The following GALNT15 variants were observed in gnomAD, a reference collection of about 807,000 sequenced individuals.
GALNT15 encodes the protein polypeptide N-acetylgalactosaminyltransferase 15.
In GALNT15, 67 loss-of-function variants were observed where a neutral mutation model predicts 66.8. The observed-to-expected ratio is 1.00, with a 90% CI of 0.82 to 1.23. The LOEUF (loss-of-function observed/expected upper bound fraction) is 1.23. Among genes scored for constraint, GALNT15 ranks in the 50% most tolerant of loss-of-function variants. The pLI is 0.00. For missense variants in GALNT15, 827 were observed against 804.3 expected (o/e 1.03, Z -0.34); for synonymous variants, 313 against 311.5 (o/e 1.00, Z -0.05).
intron 8 of GALNT15, among the ~76,000 whole-genome samples, chr3:16,221,184 A>T (rs938917937): frequency 2.6e-4 from 4 of 15,590 alleles, no homozygotes; most frequent in African/African-American, 1.0e-3. Context: ...AAGAAGAATA[A>T]AAAAAAAAAT....
At position 16,176,569 on chromosome 3, in the gene GALNT15, G is replaced by C. The variant is rs925354580; in HGVS notation, c.539+879G>C. 2.0e-5 allele frequency among the ~76,000 whole-genome samples: 3 copies of C among 152,186 alleles called. No homozygotes were observed. The highest frequency in any genetic ancestry group is 7.2e-5 in the African/African-American group (3 of 41,442). ...AAGTGTAGGTGATGGGCAGAGCTGT[G>C]CCCAGGGAGATGCTGGCCCATCCTC... On this transcript the variant is annotated intron_variant, in intron 1 of 9. Coordinates refer to ENST00000339732, the MANE Select transcript of GALNT15 (RefSeq NM_054110.5). The surrounding 1 kb of genome is among the most constrained non-coding windows in gnomAD (Gnocchi z 5.6).
At position 16,203,543 on chromosome 3, in the gene GALNT15, T is replaced by TCACACACACACA. The variant is rs1164976010; in HGVS notation, c.911+2755_911+2766dup. 1.1e-3 allele frequency among the ~76,000 whole-genome samples: 70 copies of TCACACACACACA among 61,154 alleles called. 1 individual carries two copies. Among genetic ancestry groups the TCACACACACACA allele is most frequent in the Middle Eastern group, 9.3e-3 (1 of 108 alleles). 40.1% of individuals were successfully genotyped at this position (61,154 alleles called of 152,430 possible). ...CATTCTCTCTCTCTCTCTCTCTCTC[T>TCACACACACACA]CACACACACACACACACACACACAC... is the stretch of plus-strand genomic sequence containing the variant. On this transcript the variant is annotated intron_variant, in intron 3 of 9. Transcript: ENST00000339732. The surrounding 1 kb of genome is among the most constrained non-coding windows in gnomAD (Gnocchi z 6.2).
the GALNT15 span, among the ~76,000 whole-genome samples, chr3:16,238,277 AAT>A: frequency 6.6e-6 from 1 of 152,182 alleles, no homozygotes; most frequent in Admixed American, 6.5e-5. This position sits in a 1 kb window ranked among gnomAD's most constrained non-coding sequence, Gnocchi z 4.8. Flanking sequence ...ATTAGACAGT[AAT>A]ATCTCTGTGA....
At position 16,225,399 on chromosome 3, in the gene GALNT15, A is replaced by AT. The variant is rs999774165; in HGVS notation, c.1774-1948dup. Among the ~76,000 whole-genome samples the AT allele has an allele frequency of 6.6e-6, 1 of 152,284 alleles. No homozygotes were observed. The highest frequency in any genetic ancestry group is 2.4e-5 in the African/African-American group (1 of 41,478). On this transcript the variant is annotated intron_variant, in intron 9 of 9. Coordinates refer to ENST00000339732, the MANE Select transcript of GALNT15 (RefSeq NM_054110.5). The surrounding 1 kb of genome is among the most constrained non-coding windows in gnomAD (Gnocchi z 4.4). The stretch of plus-strand genomic sequence containing the variant: ...AGTTTTGCTATGTGTTTTTATCACA[A>AT]TTTTTTTAAAAAAGAGGCCAGGCTC...
intron 8 of GALNT15, 97 bp from the exon 9 acceptor site, chr3:16,222,518 C>T (rs1029258825): frequency 1.2e-5 from 18 of 1,454,894 alleles, no homozygotes; most frequent in Non-Finnish European, 1.6e-5. Context: ...AAGATTGCCC[C>T]TAGACCTCAG....
the GALNT15 span, among the ~76,000 whole-genome samples, chr3:16,245,766 G>A: frequency 6.6e-6 from 1 of 152,350 alleles, no homozygotes; most frequent in South Asian, 2.1e-4. Flanking sequence ...ATGGAGGACT[G>A]TAGCCGCAAA....
At position 16,226,275 on chromosome 3, in the gene GALNT15, T is replaced by G. The variant is rs148749212; in HGVS notation, c.1774-1079T>G. 3.2e-3 allele frequency among the ~76,000 whole-genome samples: 487 copies of G among 152,244 alleles called. 3 individuals are homozygous for G. The highest frequency in any genetic ancestry group is 0.011 in the African/African-American group (457 of 41,544). ...TCTGGAAGTAGGTAGGAGTGAAGGT[T>G]GCACAACTTTGTGAATATACTAAAA... On this transcript the variant is annotated intron_variant, in intron 9 of 9. Transcript: ENST00000339732.
downstream of GALNT15, among the ~76,000 whole-genome samples, chr3:16,234,836 G>T (rs1469859319): frequency 6.6e-6 from 1 of 151,552 alleles, no homozygotes; most frequent in Admixed American, 6.6e-5. Flanking sequence ...CCTACAAACT[G>T]CAAGGCCACA....
intron 2 of GALNT15, among the ~76,000 whole-genome samples, chr3:16,197,141 A>G (rs751270113): frequency 6.6e-5 from 10 of 152,202 alleles, no homozygotes; most frequent in Non-Finnish European, 1.3e-4. Flanking sequence ...GCCCAAGAGC[A>G]CACCTGTGGT....
rs964441048 is a variant in GALNT15 at position 16,225,489 on chromosome 3, G to A, written c.1774-1865G>A. Among the ~76,000 whole-genome samples the A allele has an allele frequency of 6.6e-6, 1 of 152,238 alleles. No homozygotes were observed. Among genetic ancestry groups the A allele is most frequent in the African/African-American group, 2.4e-5 (1 of 41,464 alleles). On this transcript the variant is annotated intron_variant, in intron 9 of 9. Coordinates refer to ENST00000339732, the MANE Select transcript of GALNT15 (RefSeq NM_054110.5). This position sits in a 1 kb window ranked among gnomAD's most constrained non-coding sequence, Gnocchi z 4.4. Reference sequence around the variant, plus strand: ...AGGCAGGTGGATCACGAGGTCAGGAGGCTGAGACCAGCCTGGCCAATATGG... The same window carrying A: ...AGGCAGGTGGATCACGAGGTCAGGAAGCTGAGACCAGCCTGGCCAATATGG...
Position 16,228,233 on chromosome 3 carries a change from C to T in GALNT15, c.*733C>T. 1 of 985,852 alleles carries T rather than the reference C, an allele frequency of 1.0e-6. No homozygotes were observed. Among genetic ancestry groups the T allele is most frequent in the South Asian group, 4.7e-5 (1 of 21,290 alleles). 61.1% of individuals were successfully genotyped at this position (985,852 alleles called of 1,614,324 possible). A position where few individuals can be genotyped will look rare whatever the true frequency, so the allele number is the denominator to read the frequency against. ...TCCCCCTGCCCTAGCTCTTCTCTAACTTGGTTAACCATAACCATAACCAGA... is the reference window on the plus strand; with the variant it reads ...TCCCCCTGCCCTAGCTCTTCTCTAATTTGGTTAACCATAACCATAACCAGA... On this transcript the variant is annotated 3_prime_UTR_variant, in exon 10 of 10. Coordinates refer to ENST00000339732, the MANE Select transcript of GALNT15 (RefSeq NM_054110.5).
At chr3:16,196,031 C>T in intron 2 of GALNT15, 105 bp downstream of exon 2, 2 of 1,159,952 alleles carry the variant, frequency 1.7e-6, no homozygotes, top group Non-Finnish European at 1.2e-6. Flanking sequence ...GGCAAGATTC[C>T]CCAACTACAG....
intron 8 of GALNT15, among the ~76,000 whole-genome samples, chr3:16,222,124 G>T (rs1251411591): frequency 1.3e-5 from 2 of 152,164 alleles, no homozygotes; most frequent in Non-Finnish European, 2.9e-5. Flanking sequence ...GATCCTCACA[G>T]TTAAAGCCCC....
At position 16,212,643 on chromosome 3, in the gene GALNT15, C is replaced by T. The variant is rs767906061; in HGVS notation, c.1272C>T (p.Ser424=). The T allele has an allele frequency of 1.9e-6, 3 of 1,614,056 alleles. No individual in the cohort carries two copies. In the Admixed American group the frequency reaches 5.0e-5, roughly 27 times the overall value. The change falls in exon 6 of 10, where the codon TCC becomes TCT. Residue 424 remains serine, a synonymous_variant. Transcript: ENST00000339732. ...GACACATCTACCAAAATCAGGATTC[C>T]CATTCCCCCCTCGACCAGGAGGCCA... The part of the protein sequence containing the change: ...RVGHIYQNQD[S]HSPLDQEATL...
chr3:16,228,415 A>G lies in GALNT15; in HGVS notation c.*915A>G. 4.7e-6 allele frequency: 4 copies of G among 849,076 alleles called. No individual in the cohort carries two copies. The highest frequency in any genetic ancestry group is 5.7e-6 in the Non-Finnish European group (4 of 705,566). 52.6% of individuals were successfully genotyped at this position (849,076 alleles called of 1,614,324 possible). On this transcript the variant is annotated 3_prime_UTR_variant, in exon 10 of 10. Transcript: ENST00000339732. ...CAGCACTTTGGGAGGCAGAGTTGGG[A>G]GGATCACCTGATGTCAGGGGTTTGA... is the stretch of plus-strand genomic sequence containing the variant.
In GALNT15 at chr3:16,222,764, T is replaced by C; in HGVS notation, c.1773+6T>C. ...AGCACTGGGACTTCCAGGAGGTGAG[T>C]AATCTGTTCAGGAAGAGCCTGGTAG... On this transcript the variant is annotated splice_donor_region_variant and intron_variant, in intron 9 of 9. Transcript: ENST00000339732. 1 of 1,613,742 alleles carries C rather than the reference T, an allele frequency of 6.2e-7. No homozygotes were observed. Among genetic ancestry groups the C allele is most frequent in the East Asian group, 2.2e-5 (1 of 44,870 alleles).
In GALNT15 at chr3:16,180,259, G is replaced by A. The variant is rs766423293; in HGVS notation, c.539+4569G>A. 6.6e-6 allele frequency among the ~76,000 whole-genome samples: 1 copy of A among 152,172 alleles called. No individual in the cohort carries two copies. Among genetic ancestry groups the A allele is most frequent in the African/African-American group, 2.4e-5 (1 of 41,442 alleles). On this transcript the variant is annotated intron_variant, in intron 1 of 9. Transcript: ENST00000339732. This position sits in a 1 kb window ranked among gnomAD's most constrained non-coding sequence, Gnocchi z 5.0. The stretch of plus-strand genomic sequence containing the variant: ...ACACTTTGAGAACCTCTGCTCTAAG[G>A]CACACTCTTTATGCCGAACAGACTG...
intron 6 of GALNT15, among the ~76,000 whole-genome samples, chr3:16,213,005 A>G (rs116424092): frequency 0.01 from 1,581 of 152,158 alleles, 30 homozygotes; most frequent in African/African-American, 0.036. Context: ...CTATGGGATG[A>G]CATCTATGGG....
chr3:16,208,758 C>A, intron 4 of GALNT15, 88 bp downstream of exon 4: 1 of 1,199,486 alleles, frequency 8.3e-7, no homozygotes, highest in Non-Finnish European at 1.2e-6. Context: ...CCTACCTCCA[C>A]AGTTTCCTAG....
Sources: allele counts gnomAD v4.1 joint callset (sites outside exome capture counted in the v4.1 genomes callset), GRCh38; gene constraint gnomAD v4.1.1; non-coding constraint Gnocchi (gnomAD v3.1); transcripts MANE v1.5; gene names NCBI Gene and HGNC (gene_info 2026-07-23, HGNC 2026-07-21).